Variants in METTL15 observed in about 807,000 individuals in gnomAD.
The protein encoded by METTL15 is 12S rRNA N(4)-cytidine methyltransferase METTL15.
Under a neutral mutation model 38.3 loss-of-function variants are expected in METTL15, and 34 were observed. The ratio of observed to expected loss-of-function variants is 0.89; its 90% CI spans 0.68 to 1.18. METTL15 has a LOEUF of 1.18. Among genes scored for constraint, METTL15 ranks in the 50% most tolerant of loss-of-function variants. The pLI is 0.00. For missense variants in METTL15, 438 were observed against 498.4 expected (o/e 0.88, Z 1.15); for synonymous variants, 162 against 170.9 (o/e 0.95, Z 0.41).
chr11:28,428,177 C>T (rs1448731791), intron 6 of METTL15, among the ~76,000 whole-genome samples: 2 of 152,138 alleles, frequency 1.3e-5, no homozygotes, highest in African/African-American at 4.8e-5. Context: ...ATAGTATAGC[C>T]TACTACACAC....
intron 3 of METTL15, among the ~76,000 whole-genome samples, chr11:28,164,292 C>T (rs1365650753): frequency 1.3e-5 from 2 of 152,002 alleles, no homozygotes; most frequent in Non-Finnish European, 2.9e-5. Flanking sequence ...CCTGGGATGT[C>T]ATAAAACAAG....
At chr11:28,525,212 G>A (rs1004536592) in intron 6 of METTL15, among the ~76,000 whole-genome samples, 66 of 152,170 alleles carry the variant, frequency 4.3e-4, no homozygotes, top group African/African-American at 1.5e-3. Context: ...GAGGACCTGA[G>A]CGGGTTGCCA....
At chr11:28,450,403 A>G (rs755261477) in intron 6 of METTL15, among the ~76,000 whole-genome samples, 26 of 152,268 alleles carry the variant, frequency 1.7e-4, no homozygotes, top group Non-Finnish European at 3.2e-4. Flanking sequence ...AATACAAAAT[A>G]AATTTTCTTT....
intron 6 of METTL15, among the ~76,000 whole-genome samples, chr11:28,466,135 A>G (rs1227311037): frequency 6.6e-6 from 1 of 152,158 alleles, no homozygotes; most frequent in Non-Finnish European, 1.5e-5. Flanking sequence ...CAGGCCAACA[A>G]CAATGTTGGC....
At chr11:28,400,667 A>G (rs1850622418) in intron 5 of METTL15, among the ~76,000 whole-genome samples, 1 of 151,904 alleles carries the variant, frequency 6.6e-6, no homozygotes, top group African/African-American at 2.4e-5. Context: ...TCTATACAGA[A>G]CCTGAGGGGT....
intron 6 of METTL15, among the ~76,000 whole-genome samples, chr11:28,509,245 A>G (rs1268599334): frequency 3.9e-5 from 6 of 152,202 alleles, no homozygotes; most frequent in African/African-American, 1.2e-4. Flanking sequence ...GAGATTTTCA[A>G]ACTCTTGGAT....
At chr11:28,497,440 C>T (rs1438137576) in intron 6 of METTL15, among the ~76,000 whole-genome samples, 1 of 152,146 alleles carries the variant, frequency 6.6e-6, no homozygotes, top group African/African-American at 2.4e-5. Context: ...TCTATATGTT[C>T]CTTTTCAAAG....
chr11:28,515,326 C>G (rs908679768), intron 6 of METTL15, among the ~76,000 whole-genome samples: 14 of 152,164 alleles, frequency 9.2e-5, no homozygotes, highest in African/African-American at 2.4e-4. Context: ...GCAAAGCTAA[C>G]TTACTTAACA....
chr11:28,244,633 G>C (rs1854436119), intron 4 of METTL15, among the ~76,000 whole-genome samples: 1 of 152,166 alleles, frequency 6.6e-6, no homozygotes, highest in African/African-American at 2.4e-5. Context: ...GAGAACTACT[G>C]TATCTATTAT....
At chr11:28,124,105 A>G (rs897499357) in intron 3 of METTL15, among the ~76,000 whole-genome samples, 7 of 152,150 alleles carry the variant, frequency 4.6e-5, no homozygotes, top group African/African-American at 7.2e-5. Context: ...TCTCTAATGC[A>G]TATGTTTTAC....
intron 5 of METTL15, among the ~76,000 whole-genome samples, chr11:28,401,986 C>A (rs1336349470): frequency 6.6e-6 from 1 of 151,956 alleles, no homozygotes; most frequent in African/African-American, 2.4e-5. Flanking sequence ...TAAAAACTCT[C>A]ACCTAAAGCA....
At chr11:28,302,989 G>A (rs755704883) in intron 6 of METTL15, among the ~76,000 whole-genome samples, 16 of 152,088 alleles carry the variant, frequency 1.1e-4, no homozygotes, top group Non-Finnish European at 1.6e-4. Flanking sequence ...TCTGGATTTT[G>A]CAGAATTGAT....
chr11:28,204,193 A>G (rs1453111503), intron 3 of METTL15, among the ~76,000 whole-genome samples: 1 of 151,884 alleles, frequency 6.6e-6, no homozygotes, highest in African/African-American at 2.4e-5. Flanking sequence ...ATCAAGAATC[A>G]TTTTCCTCAA....
intron 4 of METTL15, among the ~76,000 whole-genome samples, chr11:28,248,706 T>G (rs1334895690): frequency 6.6e-6 from 1 of 152,074 alleles, no homozygotes; most frequent in East Asian, 1.9e-4. Flanking sequence ...GCTTCTTTTA[T>G]ATTCCACAAA....
chr11:28,151,326 C>T (rs957021265), intron 3 of METTL15, among the ~76,000 whole-genome samples: 5 of 151,906 alleles, frequency 3.3e-5, no homozygotes, highest in Non-Finnish European at 7.4e-5. Context: ...CTGCAAGAAC[C>T]TGTTAATTGG....
chr11:28,136,155 A>G (rs1411707187), intron 3 of METTL15, among the ~76,000 whole-genome samples: 1 of 152,198 alleles, frequency 6.6e-6, no homozygotes, highest in Non-Finnish European at 1.5e-5. Flanking sequence ...AACACTATGG[A>G]CAAAGAAATT....
chr11:28,494,509 G>A (rs970035647), intron 6 of METTL15, among the ~76,000 whole-genome samples: 9 of 152,020 alleles, frequency 5.9e-5, no homozygotes, highest in African/African-American at 1.2e-4. Context: ...TGAGCAAGTC[G>A]CCTTACCTCT....
downstream of METTL15, among the ~76,000 whole-genome samples, chr11:28,333,713 CTA>C (rs1320922877): frequency 5.9e-5 from 9 of 151,940 alleles, no homozygotes; most frequent in African/African-American, 1.7e-4. Context: ...TTGAAAGACA[CTA>C]TATCTATATG....
chr11:28,163,671 T>G (rs1354084684), intron 3 of METTL15: 1 of 388,446 alleles, frequency 2.6e-6, no homozygotes, highest in Non-Finnish European at 4.5e-6. Flanking sequence ...TGCCCCAAAA[T>G]GGCTTATACC....
Sources: gnomAD v4.1 joint callset for allele counts (sites outside exome capture counted in the v4.1 genomes callset) on GRCh38, gnomAD v4.1.1 for gene constraint, MANE v1.5 for transcripts, NCBI Gene and HGNC (gene_info 2026-07-23, HGNC 2026-07-21) for gene names.